The following CEP192 variants were observed in gnomAD, a reference collection of about 807,000 sequenced individuals.
CEP192 encodes the protein centrosomal protein 192.
A neutral mutation model predicts 271.8 loss-of-function variants in CEP192; 151 were observed. The ratio of observed to expected loss-of-function variants is 0.56; its 90% CI spans 0.49 to 0.64. CEP192 has a LOEUF of 0.64. Ranked by LOEUF, CEP192 falls within the 30% of genes least tolerant of loss-of-function variation. The pLI is 0.00. For missense variants in CEP192, 2,910 were observed against 3,020.5 expected, an observed-to-expected ratio of 0.96 and a Z score of 0.86; for synonymous variants, 995 against 1,076.5, an observed-to-expected ratio of 0.92 and a Z score of 1.48.
Position 13,069,070 on chromosome 18 carries a change from G to T in CEP192, c.4963-19G>T, listed in dbSNP as rs372235301. On this transcript the variant is annotated intron_variant, in intron 25 of 44. Transcript: ENST00000506447. Reference sequence around the variant, plus strand: ...TTTGTGACAGTTCGTTGAAATGTCTGTCTTGCCCCATCCTCCAGACGATGC... The same window carrying T: ...TTTGTGACAGTTCGTTGAAATGTCTTTCTTGCCCCATCCTCCAGACGATGC... 1.2e-6 allele frequency: 2 copies of T among 1,613,998 alleles called. No individual in the cohort carries two copies. Among genetic ancestry groups the T allele is most frequent in the Middle Eastern group, 1.6e-4 (1 of 6,062 alleles).
intron 18 of CEP192, among the ~76,000 whole-genome samples, chr18:13,055,013 C>T (rs527509647): frequency 1.3e-5 from 2 of 152,276 alleles, no homozygotes; most frequent in South Asian, 4.1e-4. Flanking sequence ...TGTGGTGGCT[C>T]ATACCTGTAA....
intron 34 of CEP192, among the ~76,000 whole-genome samples, chr18:13,095,176 T>C (rs2039331594): frequency 6.6e-6 from 1 of 152,190 alleles, no homozygotes; most frequent in African/African-American, 2.4e-5. Context: ...TTTTCTTTTT[T>C]CTTTTTGTAG....
At chr18:13,096,715 G>C (rs116613488) in intron 36 of CEP192, among the ~76,000 whole-genome samples, 92 of 152,346 alleles carry the variant, frequency 6.0e-4, no homozygotes, top group African/African-American at 2.2e-3. Flanking sequence ...TTTGGGTTGT[G>C]TGTTCTGCTG....
Position 13,024,447 on chromosome 18 carries a change from G to A in CEP192, c.1051-5216G>A, listed in dbSNP as rs528591133. On this transcript the variant is annotated intron_variant, in intron 9 of 44. Transcript: ENST00000506447. ...CTCCTCTGAAAATCTCTTTCAGTTGGTGTGTTTGTTTGTTTATTTATTTAT... is the reference window on the plus strand; with the variant it reads ...CTCCTCTGAAAATCTCTTTCAGTTGATGTGTTTGTTTGTTTATTTATTTAT... 216 of 394,738 alleles carry A rather than the reference G, an allele frequency of 5.5e-4. 2 individuals are homozygous for A. Among genetic ancestry groups the A allele is most frequent in the Admixed American group, 1.2e-3 (37 of 31,072 alleles). The allele number at this position is 394,738 out of a possible 1,614,324, so 24.5% of individuals were successfully genotyped here. A position where few individuals can be genotyped will look rare whatever the true frequency, so the allele number is the denominator to read the frequency against.
intron 11 of CEP192, among the ~76,000 whole-genome samples, chr18:13,033,145 A>G (rs1476114279): frequency 1.3e-5 from 2 of 152,208 alleles, no homozygotes; most frequent in Non-Finnish European, 2.9e-5. Context: ...CTCTATCGTA[A>G]AAAGTTTTTA....
At chr18:13,006,765 TG>T (rs11327230) in intron 3 of CEP192, among the ~76,000 whole-genome samples, 19,350 of 152,172 alleles carry the variant, frequency 0.13, 1,812 homozygotes, top group African/African-American at 0.26. Flanking sequence ...GGCCATTTAC[TG>T]TAGAGTGTGC....
intron 38 of CEP192, among the ~76,000 whole-genome samples, chr18:13,102,318 T>G (rs923438558): frequency 6.6e-6 from 1 of 151,742 alleles, no homozygotes; most frequent in Non-Finnish European, 1.5e-5. Context: ...GCCTGTCCAT[T>G]CTCGCCTCTC....
chr18:13,067,992 A>G, intron 22 of CEP192, 36 bp downstream of exon 22: 1 of 1,602,348 alleles, frequency 6.2e-7, no homozygotes, highest in Non-Finnish European at 8.5e-7. Context: ...CCATTTACAG[A>G]ATGCACTGAT....
In CEP192 at chr18:13,087,277, A is replaced by T. The variant is rs1198669225; in HGVS notation, c.5877A>T (p.Glu1959Asp). 6.3e-7 allele frequency: 1 copy of T among 1,593,060 alleles called. No homozygotes were observed. Among genetic ancestry groups the T allele is most frequent in the East Asian group, 2.3e-5 (1 of 44,442 alleles). ...TTGTACTCAAGGAAAGAACACAAGA[A>T]GTAAGTACAAAAGTTTCTGTGCTAA... Reference protein sequence around the residue: ...DKFVLKERTQENVTLIYNPSD... With the variant: ...DKFVLKERTQDNVTLIYNPSD... The change falls in exon 31 of 45, where the codon GAA (glutamate) becomes GAT (aspartate). Residue 1959 changes from glutamate to aspartate, a missense_variant and splice_region_variant. Transcript: ENST00000506447.
intron 3 of CEP192, among the ~76,000 whole-genome samples, chr18:13,004,744 C>T (rs2033873513): frequency 6.6e-6 from 1 of 152,076 alleles, no homozygotes; most frequent in Non-Finnish European, 1.5e-5. Flanking sequence ...ATCAAGGGCC[C>T]AACTTGAGGG....
At chr18:13,099,694 C>T (rs987068960) in intron 37 of CEP192, 113 bp downstream of exon 37, 1 of 590,084 alleles carries the variant, frequency 1.7e-6, no homozygotes, top group Non-Finnish European at 3.0e-6. Context: ...GCGTACTTGA[C>T]CCTTCATATT....
At chr18:13,008,770 C>CA (rs2034142525) in intron 4 of CEP192, 139 bp downstream of exon 4, 1 of 629,494 alleles carries the variant, frequency 1.6e-6, no homozygotes, top group Non-Finnish European at 2.7e-6. Flanking sequence ...GTGGCGTGAT[C>CA]ACAGCTCACT....
At chr18:13,047,959 A>T (rs888000672) in intron 15 of CEP192, among the ~76,000 whole-genome samples, 1 of 152,206 alleles carries the variant, frequency 6.6e-6, no homozygotes. Flanking sequence ...ATGATAATCA[A>T]TTTTGTAAAT....
intron 4 of CEP192, among the ~76,000 whole-genome samples, chr18:13,010,633 G>A (rs1230823279): frequency 6.6e-6 from 1 of 152,170 alleles, no homozygotes; most frequent in Admixed American, 6.5e-5. Flanking sequence ...GATCACCTGA[G>A]TCTGGGAGTT....
At chr18:13,124,457 CCTT>C (rs1379864631) in intron 44 of CEP192, 172 bp from the exon 45 acceptor site, 4 of 535,728 alleles carry the variant, frequency 7.5e-6, no homozygotes, top group African/African-American at 7.5e-5. Flanking sequence ...GTTTTTCTCT[CCTT>C]TGTGTTATTT....
At chr18:13,035,458 A>G (rs561590924) in intron 11 of CEP192, among the ~76,000 whole-genome samples, 2 of 152,312 alleles carry the variant, frequency 1.3e-5, no homozygotes, top group African/African-American at 4.8e-5. Flanking sequence ...AACCTCTGAT[A>G]AACCCATCAG....
chr18:13,087,880 G>A (rs1273403503), intron 32 of CEP192, among the ~76,000 whole-genome samples: 1 of 152,136 alleles, frequency 6.6e-6, no homozygotes, highest in Non-Finnish European at 1.5e-5. Context: ...CTAGGTGAAT[G>A]TATTGTGCCA....
At chr18:13,052,668 T>C (rs1390438075) in intron 17 of CEP192, among the ~76,000 whole-genome samples, 1 of 152,242 alleles carries the variant, frequency 6.6e-6, no homozygotes, top group Non-Finnish European at 1.5e-5. Flanking sequence ...GAATAGCTAA[T>C]TGCTAATAAT....
chr18:13,060,691 G>A (rs894271398), intron 21 of CEP192, among the ~76,000 whole-genome samples: 2 of 152,132 alleles, frequency 1.3e-5, no homozygotes, highest in African/African-American at 4.8e-5. Flanking sequence ...GAGAGGTCAA[G>A]GTGGGTGGAT....
Sources: gnomAD v4.1 joint callset for allele counts (sites outside exome capture counted in the v4.1 genomes callset) on GRCh38, gnomAD v4.1.1 for gene constraint, MANE v1.5 for transcripts, NCBI Gene and HGNC (gene_info 2026-07-23, HGNC 2026-07-21) for gene names.